Variants in NBAS observed in about 807,000 individuals in gnomAD.
NBAS encodes the protein NAG/BC035112 fusion.
A neutral mutation model predicts 302.5 loss-of-function variants in NBAS; 219 were observed. The observed-to-expected ratio is 0.72, with a 90% CI of 0.65 to 0.81. The LOEUF is 0.81. NBAS is among the 30% of genes least tolerant of loss of function. The pLI is 0.00. For missense variants in NBAS, 2,932 were observed against 2,841.6 expected, an observed-to-expected ratio of 1.03 and a Z score of -0.72; for synonymous variants, 1,118 against 1,021.6, an observed-to-expected ratio of 1.09 and a Z score of -1.80.
chr2:15,053,870 A>G, the NBAS span, among the ~76,000 whole-genome samples: 1 of 152,038 alleles, frequency 6.6e-6, no homozygotes, highest in Non-Finnish European at 1.5e-5. Context: ...CAGAAAGAGT[A>G]GGCACCTCTT....
chr2:14,935,916 G>C, the NBAS span, among the ~76,000 whole-genome samples: 8 of 152,070 alleles, frequency 5.3e-5, no homozygotes, highest in Admixed American at 5.2e-4. Flanking sequence ...CCCACCCCTA[G>C]GTGCCAAACC....
chr2:15,420,124 G>A (rs1183020492), intron 23 of NBAS, among the ~76,000 whole-genome samples: 1 of 152,104 alleles, frequency 6.6e-6, no homozygotes, highest in African/African-American at 2.4e-5. Context: ...GTAGCACGCT[G>A]GGCAATAGCA....
At chr2:14,980,881 A>G in the NBAS span, among the ~76,000 whole-genome samples, 9 of 152,202 alleles carry the variant, frequency 5.9e-5, no homozygotes, top group African/African-American at 1.9e-4. Flanking sequence ...AGAAAATAAG[A>G]AAGAATGTTT....
At chr2:15,103,405 T>C in the NBAS span, among the ~76,000 whole-genome samples, 1 of 152,192 alleles carries the variant, frequency 6.6e-6, no homozygotes, top group Non-Finnish European at 1.5e-5. Context: ...AGGAGGTGAT[T>C]CTGACATACA....
the NBAS span, among the ~76,000 whole-genome samples, chr2:14,939,137 C>T: frequency 6.6e-6 from 1 of 152,196 alleles, no homozygotes; most frequent in Non-Finnish European, 1.5e-5. Flanking sequence ...TTAGGTGTAC[C>T]AGCTGAGTGC....
the NBAS span, among the ~76,000 whole-genome samples, chr2:14,952,390 C>T: frequency 1.3e-5 from 2 of 152,224 alleles, no homozygotes; most frequent in Non-Finnish European, 2.9e-5. Flanking sequence ...CTCCTTCTGG[C>T]CCTTTGGAAA....
chr2:14,836,513 G>A, the NBAS span, among the ~76,000 whole-genome samples: 14 of 151,828 alleles, frequency 9.2e-5, no homozygotes, highest in African/African-American at 3.1e-4. Context: ...ATATCCAATC[G>A]TTGCAGCAAC....
chr2:14,905,398 T>TGGAACCATAAAACCAGAGCAG, the NBAS span, among the ~76,000 whole-genome samples: 3 of 152,156 alleles, frequency 2.0e-5, no homozygotes, highest in Admixed American at 6.5e-5. Context: ...AACCCAGACA[T>TGGAACCATAAAACCAGAGCAG]GGAACCATAA....
the NBAS span, among the ~76,000 whole-genome samples, chr2:14,866,189 A>G: frequency 6.6e-6 from 1 of 152,126 alleles, no homozygotes; most frequent in East Asian, 1.9e-4. Flanking sequence ...ATTTTAGAGA[A>G]GCCATCTTCT....
chr2:14,866,241 A>G, the NBAS span, among the ~76,000 whole-genome samples: 6 of 152,130 alleles, frequency 3.9e-5, no homozygotes, highest in African/African-American at 1.4e-4. Context: ...CTGCCCTTGC[A>G]ATTAGTGACT....
chr2:15,091,840 G>GT, the NBAS span, among the ~76,000 whole-genome samples: 2 of 152,122 alleles, frequency 1.3e-5, no homozygotes, highest in Non-Finnish European at 1.5e-5. Flanking sequence ...GCCTCCTTGT[G>GT]TTTTTTTAAA....
At chr2:14,979,856 T>C in the NBAS span, among the ~76,000 whole-genome samples, 1 of 152,134 alleles carries the variant, frequency 6.6e-6, no homozygotes, top group Admixed American at 6.5e-5. Context: ...AGGCCTGTAA[T>C]TGTAACCCAA....
chr2:15,134,307 G>C, the NBAS span, among the ~76,000 whole-genome samples: 26 of 152,248 alleles, frequency 1.7e-4, 1 homozygote, highest in Admixed American at 1.0e-3. Context: ...CTGCAACCTG[G>C]AGAAAGGCTC....
chr2:15,349,678 A>T (rs1281525264), intron 35 of NBAS, among the ~76,000 whole-genome samples: 1 of 152,174 alleles, frequency 6.6e-6, no homozygotes, highest in Non-Finnish European at 1.5e-5. Context: ...TTAAGGTTGG[A>T]TGCAGTGGTT....
intron 47 of NBAS, among the ~76,000 whole-genome samples, chr2:15,226,447 A>G (rs974393452): frequency 1.3e-5 from 2 of 152,226 alleles, no homozygotes; most frequent in Admixed American, 6.5e-5. Context: ...CTAGAAATTG[A>G]TATTTTCTTC....
intron 21 of NBAS, among the ~76,000 whole-genome samples, chr2:15,455,777 G>A (rs9287661): frequency 0.62 from 92,641 of 149,706 alleles, 29,458 homozygotes; most frequent in Middle Eastern, 0.68. Context: ...CAATGCTCTT[G>A]CTCCTACGCT....
intron 14 of NBAS, among the ~76,000 whole-genome samples, chr2:15,474,646 G>A (rs1380606884): frequency 2.6e-5 from 4 of 151,622 alleles, no homozygotes; most frequent in South Asian, 2.1e-4. Flanking sequence ...CTGCAACCTC[G>A]GCCTCCCAGG....
At chr2:14,927,146 T>C in the NBAS span, among the ~76,000 whole-genome samples, 2 of 152,226 alleles carry the variant, frequency 1.3e-5, no homozygotes, top group Admixed American at 1.3e-4. Context: ...GCAGATGGCC[T>C]TTGGACAGCA....
intron 21 of NBAS, among the ~76,000 whole-genome samples, chr2:15,438,524 C>G (rs1426622609): frequency 6.6e-6 from 1 of 152,062 alleles, no homozygotes; most frequent in East Asian, 1.9e-4. Context: ...CGATCAACAA[C>G]AAAAATAGAC....
Sources: allele counts gnomAD v4.1 joint callset (sites outside exome capture counted in the v4.1 genomes callset), GRCh38; gene constraint gnomAD v4.1.1; transcripts MANE v1.5; gene names NCBI Gene and HGNC (gene_info 2026-07-23, HGNC 2026-07-21).